DIPK1A: variants seen among roughly 807,000 people sequenced by gnomAD.
DIPK1A encodes the protein divergent protein kinase domain 1A, also known as family with sequence similarity 69 member A.
In DIPK1A, 27 loss-of-function variants were observed where a neutral mutation model predicts 40.8. The observed-to-expected ratio is 0.66, with a 90% CI of 0.49 to 0.91. DIPK1A has a LOEUF of 0.91. Among genes scored for constraint, DIPK1A ranks in the 40% least tolerant of loss-of-function variants. The pLI is 0.00. For synonymous variants in DIPK1A, 166 were observed against 171.3 expected (o/e 0.97, Z 0.24); for missense variants, 412 against 505.7 (o/e 0.81, Z 1.78).
downstream of DIPK1A, among the ~76,000 whole-genome samples, chr1:92,839,896 A>G (rs1346362028): frequency 6.6e-6 from 1 of 151,598 alleles, no homozygotes; most frequent in East Asian, 1.9e-4. Context: ...GCTGGGGTGC[A>G]ATGGCACAAT....
intron 4 of DIPK1A, chr1:92,836,485 T>A: frequency 1.7e-6 from 2 of 1,183,192 alleles, no homozygotes; most frequent in Non-Finnish European, 2.5e-6. Context: ...TTAAAGTAGC[T>A]ATCAATTGAA....
Position 92,959,902 on chromosome 1 carries a change from A to ATTTTTTTTTTTTTTTTTTTTTTTTTTTT in DIPK1A, c.54+1473_54+1474insAAAAAAAAAAAAAAAAAAAAAAAAAAAA, listed in dbSNP as rs1557502636. 2.4e-3 allele frequency among the ~76,000 whole-genome samples: 105 copies of ATTTTTTTTTTTTTTTTTTTTTTTTTTTT among 43,082 alleles called. 8 individuals carry two copies. The highest frequency in any genetic ancestry group is 0.013 in the Middle Eastern group (1 of 78). The allele number at this position is 43,082 out of a possible 152,430, so 28.3% of individuals were successfully genotyped here. A position where few individuals can be genotyped will look rare whatever the true frequency, so the allele number is the denominator to read the frequency against. On this transcript the variant is annotated intron_variant, in intron 1 of 4. Transcript: ENST00000370310. ...AGCTGGGACCACAGGCACCCAACCAACTTTTTTTTTTTTTTTTTTTTTTTT... is the reference window on the plus strand; with the variant it reads ...AGCTGGGACCACAGGCACCCAACCAATTTTTTTTTTTTTTTTTTTTTTTTTTTTCTTTTTTTTTTTTTTTTTTTTTTTT...
chr1:92,885,317 A>T (rs1648548000), intron 1 of DIPK1A, among the ~76,000 whole-genome samples: 1 of 152,198 alleles, frequency 6.6e-6, no homozygotes, highest in Non-Finnish European at 1.5e-5. Context: ...GAGTCCCAGA[A>T]CAGAACAACA....
chr1:92,945,365 C>T (rs184046333), intron 1 of DIPK1A, among the ~76,000 whole-genome samples: 109 of 152,144 alleles, frequency 7.2e-4, no homozygotes, highest in African/African-American at 2.4e-3. Context: ...CTTGTATGTA[C>T]CCTGATTACA....
chr1:92,907,127 A>C (rs987633109), intron 1 of DIPK1A, among the ~76,000 whole-genome samples: 3 of 152,236 alleles, frequency 2.0e-5, no homozygotes, highest in Non-Finnish European at 4.4e-5. Flanking sequence ...AGATGGGAAG[A>C]TGTTGCCATA....
At chr1:92,921,087 G>T (rs2100853491) in intron 1 of DIPK1A, among the ~76,000 whole-genome samples, 1 of 152,290 alleles carries the variant, frequency 6.6e-6, no homozygotes, top group South Asian at 2.1e-4. Flanking sequence ...AGGGGTTGGA[G>T]GAAGCCGGTT....
chr1:92,891,764 G>T (rs962121709), intron 1 of DIPK1A, among the ~76,000 whole-genome samples: 11 of 152,208 alleles, frequency 7.2e-5, no homozygotes, highest in Non-Finnish European at 1.2e-4. Context: ...CCTAGCCAAG[G>T]AAAGGGGTGA....
Position 92,843,443 on chromosome 1 carries a change from C to T in DIPK1A, c.1227G>A (p.Leu409=), listed in dbSNP as rs986593681. 72 of 1,550,770 alleles carry T rather than the reference C, an allele frequency of 4.6e-5. No individual in the cohort carries two copies. Among genetic ancestry groups the T allele is most frequent in the Non-Finnish European group, 5.9e-5 (68 of 1,146,654 alleles). ...ATAATGTTTTTAGGTTATTTAGTAT[C>T]AAAGAATGTTCCATTTCCATTTGAT... is the stretch of plus-strand genomic sequence containing the variant. ...TANQMEMEHS[L]ILNNLKTLLW... is the part of the protein sequence containing the mutation. The change falls in exon 5 of 5, where the codon TTG becomes TTA. Residue 409 remains leucine (L), a synonymous_variant. Transcript: ENST00000370310.
chr1:92,961,444 G>A lies in DIPK1A; in HGVS notation c.-15C>T, dbSNP rs757804829. On this transcript the variant is annotated 5_prime_UTR_variant, in exon 1 of 5. Transcript: ENST00000370310. ...CTCCTCGCCATGGTAATCACACATC[G>A]CCCCGCCGCGCTGCAGTCAGAGGCG... 6.1e-6 allele frequency: 9 copies of A among 1,484,206 alleles called. No individual in the cohort carries two copies. Among genetic ancestry groups the A allele is most frequent in the Non-Finnish European group, 8.1e-6 (9 of 1,110,982 alleles). The allele number at this position is 1,484,206 out of a possible 1,614,324, so 91.9% of individuals were successfully genotyped here.
chr1:92,835,864 A>T (rs962214759), intron 4 of DIPK1A, among the ~76,000 whole-genome samples: 14 of 152,196 alleles, frequency 9.2e-5, no homozygotes, highest in African/African-American at 3.4e-4. Flanking sequence ...CATTGGTTAT[A>T]AACATGTTTT....
At chr1:92,912,778 AC>A (rs1179876858) in intron 1 of DIPK1A, among the ~76,000 whole-genome samples, 1 of 152,124 alleles carries the variant, frequency 6.6e-6, no homozygotes, top group Non-Finnish European at 1.5e-5. Flanking sequence ...ACATTAGACT[AC>A]CAGCCACAAC....
At chr1:92,833,326 T>G in intron 4 of DIPK1A, 2 of 1,324,668 alleles carry the variant, frequency 1.5e-6, no homozygotes, top group South Asian at 2.4e-5. Context: ...ACATGGTTAA[T>G]TTATGTCAAA....
At chr1:92,954,679 A>C (rs1022968866) in intron 1 of DIPK1A, among the ~76,000 whole-genome samples, 7 of 152,024 alleles carry the variant, frequency 4.6e-5, no homozygotes, top group Non-Finnish European at 8.8e-5. Flanking sequence ...CCAGCCGACA[A>C]CACCTTACCT....
chr1:92,960,981 G>A (rs1329223423), intron 1 of DIPK1A, among the ~76,000 whole-genome samples: 1 of 152,220 alleles, frequency 6.6e-6, no homozygotes, highest in Non-Finnish European at 1.5e-5. Flanking sequence ...CACGGGGGAG[G>A]GGGGAAAGCC....
intron 1 of DIPK1A, among the ~76,000 whole-genome samples, chr1:92,910,626 TTAAAA>T (rs1315112287): frequency 2.0e-5 from 3 of 151,964 alleles, no homozygotes; most frequent in African/African-American, 7.2e-5. Context: ...ATAATTATTA[TTAAAA>T]TAAATATGCT....
At chr1:92,852,121 TCAAAACCAAACAAG>T (rs1207860372) in intron 2 of DIPK1A, among the ~76,000 whole-genome samples, 2 of 151,758 alleles carry the variant, frequency 1.3e-5, no homozygotes, top group African/African-American at 2.4e-5. Flanking sequence ...TGAGTAATAA[TCAAAACCAAACAAG>T]CAAAAGATCT....
At chr1:92,941,689 G>A (rs532066935) in intron 1 of DIPK1A, among the ~76,000 whole-genome samples, 10 of 152,252 alleles carry the variant, frequency 6.6e-5, no homozygotes, top group African/African-American at 2.4e-4. Flanking sequence ...CGCAAGTGAA[G>A]GTGGGAAAGC....
chr1:92,922,319 G>A (rs1186710550), intron 1 of DIPK1A, among the ~76,000 whole-genome samples: 1 of 139,904 alleles, frequency 7.1e-6, no homozygotes, highest in Non-Finnish European at 1.6e-5. Flanking sequence ...TTTTTTTGGA[G>A]AAATTTTTCT....
chr1:92,833,726 A>C, intron 4 of DIPK1A: 2 of 1,303,870 alleles, frequency 1.5e-6, no homozygotes, highest in Non-Finnish European at 2.2e-6. Context: ...GAAGCAAAGC[A>C]CATGGTGTGT....
Sources: allele counts gnomAD v4.1 joint callset (sites outside exome capture counted in the v4.1 genomes callset), GRCh38; gene constraint gnomAD v4.1.1; transcripts MANE v1.5; gene names NCBI Gene and HGNC (gene_info 2026-07-23, HGNC 2026-07-21).